Variants in PPFIBP2 observed in about 807,000 individuals in gnomAD.
The protein encoded by PPFIBP2 is liprin-beta-2.
A neutral mutation model predicts 118.3 loss-of-function variants in PPFIBP2; 118 were observed. The ratio of observed to expected loss-of-function variants is 1.00; its 90% CI spans 0.86 to 1.16. The LOEUF (loss-of-function observed/expected upper bound fraction) is 1.16. Among genes scored for constraint, PPFIBP2 ranks in the 50% most tolerant of loss-of-function variants. The pLI is 0.00. For synonymous variants in PPFIBP2, 414 were observed against 397.4 expected, an observed-to-expected ratio of 1.04 and a Z score of -0.50; for missense variants, 1,195 against 1,073.1, an observed-to-expected ratio of 1.11 and a Z score of -1.59.
intron 1 of PPFIBP2, among the ~76,000 whole-genome samples, chr11:7,540,851 G>A (rs1250495165): frequency 6.6e-6 from 1 of 152,196 alleles, no homozygotes; most frequent in African/African-American, 2.4e-5. Context: ...TGGGAATTTA[G>A]CAGGGACAGC....
chr11:7,563,224 T>G (rs1854549113), intron 2 of PPFIBP2, among the ~76,000 whole-genome samples: 1 of 152,106 alleles, frequency 6.6e-6, no homozygotes, highest in Non-Finnish European at 1.5e-5. Flanking sequence ...ACTGGATGGC[T>G]ACGTGTTTAA....
intron 15 of PPFIBP2, among the ~76,000 whole-genome samples, chr11:7,640,428 C>T (rs1590754674): frequency 6.6e-6 from 1 of 152,214 alleles, no homozygotes; most frequent in Non-Finnish European, 1.5e-5. Flanking sequence ...CCTGAAACCA[C>T]AGAGGCTTTT....
intron 3 of PPFIBP2, among the ~76,000 whole-genome samples, chr11:7,587,846 A>G (rs1170413391): frequency 1.3e-5 from 2 of 152,202 alleles, no homozygotes; most frequent in Non-Finnish European, 2.9e-5. Context: ...CCTCATTTAT[A>G]CCACATAATT....
chr11:7,516,717 CCTCT>C (rs1564930127), intron 1 of PPFIBP2, among the ~76,000 whole-genome samples: 1 of 152,096 alleles, frequency 6.6e-6, no homozygotes, highest in African/African-American at 2.4e-5. Flanking sequence ...CCAGACGGCC[CCTCT>C]CTCTGTCTTC....
chr11:7,651,742 C>T lies in PPFIBP2; in HGVS notation c.2334C>T (p.Thr778=). Residue 778 remains threonine (T), a synonymous_variant, in exon 23 of 24, where the codon ACC becomes ACT. Coordinates refer to ENST00000299492, the MANE Select transcript of PPFIBP2 (RefSeq NM_003621.5). The stretch of plus-strand genomic sequence containing the variant: ...AGACGCTCCTCAGGCGCCACCTGAC[C>T]ACCAAGTTCAATGCCTTGATTGGTC... ...PQKTLLRRHL[T]TKFNALIGPE... is the part of the protein sequence containing the mutation. 1.2e-6 allele frequency: 2 copies of T among 1,614,164 alleles called. No individual in the cohort carries two copies. The highest frequency in any genetic ancestry group is 1.7e-6 in the Non-Finnish European group (2 of 1,179,970).
chr11:7,643,029 C>T (rs1852440320), intron 17 of PPFIBP2, among the ~76,000 whole-genome samples: 1 of 152,106 alleles, frequency 6.6e-6, no homozygotes, highest in Non-Finnish European at 1.5e-5. Context: ...TCCCCAGACT[C>T]CAGGAAGCTT....
chr11:7,567,983 G>A (rs1228477692), intron 3 of PPFIBP2, among the ~76,000 whole-genome samples: 2 of 152,166 alleles, frequency 1.3e-5, no homozygotes, highest in African/African-American at 4.8e-5. Context: ...GATTGGAGTT[G>A]GAACTAGTAA....
At chr11:7,581,420 C>T (rs1394962104) in intron 3 of PPFIBP2, among the ~76,000 whole-genome samples, 1 of 152,206 alleles carries the variant, frequency 6.6e-6, no homozygotes, top group Non-Finnish European at 1.5e-5. Flanking sequence ...CTGTAGGTCA[C>T]AAAGAAAATG....
At chr11:7,555,796 C>A (rs1282884393) in intron 2 of PPFIBP2, among the ~76,000 whole-genome samples, 1 of 152,166 alleles carries the variant, frequency 6.6e-6, no homozygotes, top group East Asian at 1.9e-4. Flanking sequence ...CCTCGTTTTC[C>A]ATTCTCTGAA....
chr11:7,630,738 A>G (rs960404125), intron 10 of PPFIBP2, among the ~76,000 whole-genome samples, 187 bp from the exon 11 acceptor site: 1 of 152,176 alleles, frequency 6.6e-6, no homozygotes, highest in African/African-American at 2.4e-5. Context: ...TTTGACCTTG[A>G]AATGATCCTG....
the PPFIBP2 span, chr11:7,665,433 C>A: frequency 2.5e-6 from 4 of 1,612,500 alleles, no homozygotes; most frequent in African/African-American, 5.3e-5. Context: ...GGGTGAGCCG[C>A]CGTCTGGATT....
At chr11:7,570,139 A>C (rs1296087645) in intron 3 of PPFIBP2, among the ~76,000 whole-genome samples, 2 of 54,982 alleles carry the variant, frequency 3.6e-5, no homozygotes, top group East Asian at 1.0e-3. Flanking sequence ...ACCCCTCCAC[A>C]CCTGCTTGGC....
At chr11:7,649,468 G>A (rs1853643662) in intron 20 of PPFIBP2, 64 bp from the exon 21 acceptor site, 1 of 1,597,106 alleles carries the variant, frequency 6.3e-7, no homozygotes, top group African/African-American at 1.3e-5. Flanking sequence ...GTCTGGTGAG[G>A]GACATCAGGG....
chr11:7,533,536 T>G (rs1204920749), intron 1 of PPFIBP2, among the ~76,000 whole-genome samples: 2 of 152,194 alleles, frequency 1.3e-5, no homozygotes, highest in African/African-American at 4.8e-5. Context: ...TACAAATTAT[T>G]ATCATCTTCA....
the PPFIBP2 span, chr11:7,665,070 A>C: frequency 4.7e-6 from 1 of 211,354 alleles, no homozygotes; most frequent in Admixed American, 5.3e-5. Flanking sequence ...ACTGCCTAGC[A>C]CGTCCCCCAC....
intron 2 of PPFIBP2, among the ~76,000 whole-genome samples, chr11:7,565,327 G>A (rs187421806): frequency 2.6e-5 from 4 of 152,236 alleles, no homozygotes; most frequent in South Asian, 2.1e-4. Flanking sequence ...GTGACTATTC[G>A]CAAGCCAGAT....
At chr11:7,569,098 A>T (rs2134771585) in intron 3 of PPFIBP2, 1 of 152,330 alleles carries the variant, frequency 6.6e-6, no homozygotes, top group East Asian at 1.9e-4. Context: ...AGTGGTCCAT[A>T]GTTAGAATAG....
chr11:7,612,729 G>A (rs746595841), intron 6 of PPFIBP2, among the ~76,000 whole-genome samples: 40 of 152,290 alleles, frequency 2.6e-4, no homozygotes, highest in African/African-American at 9.4e-4. Context: ...AGGTTTCCAC[G>A]TGGAGGAATT....
At chr11:7,571,862 G>C (rs1443148030) in intron 3 of PPFIBP2, 1 of 152,232 alleles carries the variant, frequency 6.6e-6, no homozygotes, top group East Asian at 1.9e-4. Flanking sequence ...GTGGGAGTCA[G>C]GGACAAATGC....
Sources: allele counts gnomAD v4.1 joint callset (sites outside exome capture counted in the v4.1 genomes callset), GRCh38; gene constraint gnomAD v4.1.1; transcripts MANE v1.5; gene names NCBI Gene and HGNC (gene_info 2026-07-23, HGNC 2026-07-21).